The following DNAJC8 variants were observed in gnomAD, a reference collection of about 807,000 sequenced individuals.
The protein encoded by DNAJC8 is DnaJ heat shock protein family (Hsp40) member C8, also known as dnaJ homolog subfamily C member 8.
DNAJC8 carries 24 observed loss-of-function variants against 43.2 expected under a neutral mutation model. The observed-to-expected ratio is 0.56, with a 90% CI of 0.40 to 0.78. The LOEUF (loss-of-function observed/expected upper bound fraction) is 0.78. Ranked by LOEUF, DNAJC8 falls within the 30% of genes least tolerant of loss-of-function variation. DNAJC8 has a pLI of 0.00. For missense variants in DNAJC8, 207 were observed against 299.4 expected (o/e 0.69, Z 2.28); for synonymous variants, 83 against 98.0 (o/e 0.85, Z 0.90).
Position 28,201,126 on chromosome 1 carries a change from CAAAATGGACT to C in DNAJC8, c.*112_*121del, listed in dbSNP as rs1646730835. On this transcript the variant is annotated 3_prime_UTR_variant, in exon 9 of 9. Transcript: ENST00000263697. ...GATCGATATTAAATCGTATTGAAAA[CAAAATGGACT>C]AAAAAGCAAATACTACTCTATGTTG... is the stretch of plus-strand genomic sequence containing the variant. The C allele has an allele frequency of 4.9e-5, 69 of 1,415,916 alleles. No homozygotes were observed. The South Asian group carries it at 8.8e-4, about 18-fold the overall frequency. The allele number at this position is 1,415,916 out of a possible 1,614,324, so 87.7% of individuals were successfully genotyped here. A position where few individuals can be genotyped will look rare whatever the true frequency, so the allele number is the denominator to read the frequency against.
chr1:28,222,485 C>CAAAAAAA (rs35878807), intron 2 of DNAJC8, among the ~76,000 whole-genome samples: 5 of 44,654 alleles, frequency 1.1e-4, no homozygotes, highest in South Asian at 7.9e-4. Flanking sequence ...GACTCCATCT[C>CAAAAAAA]AAAAAAAAAA....
chr1:28,216,281 C>T (rs1029828553), intron 2 of DNAJC8, among the ~76,000 whole-genome samples: 16 of 152,224 alleles, frequency 1.1e-4, no homozygotes, highest in African/African-American at 2.2e-4. Context: ...GAGAAAGGAA[C>T]TGGGAAAGTC....
rs989715419 is a variant in DNAJC8, at chr1:28,201,051, G to A, written c.*197C>T. Reference sequence around the variant, plus strand: ...GTTCTAGGGGCAGGGAGAGGGAAAGGTCTTTTTTTAAACCAAGCCCCTCAT... The same window carrying A: ...GTTCTAGGGGCAGGGAGAGGGAAAGATCTTTTTTTAAACCAAGCCCCTCAT... On this transcript the variant is annotated 3_prime_UTR_variant, in exon 9 of 9. Transcript: ENST00000263697. 9.4e-5 allele frequency: 71 copies of A among 754,764 alleles called. No homozygotes were observed. Among genetic ancestry groups the A allele is most frequent in the South Asian group, 3.7e-4 (20 of 53,364 alleles). 46.8% of individuals were successfully genotyped at this position (754,764 alleles called of 1,614,324 possible).
At chr1:28,224,117 T>C (rs1228197818) in intron 2 of DNAJC8, among the ~76,000 whole-genome samples, 1 of 152,062 alleles carries the variant, frequency 6.6e-6, no homozygotes, top group Non-Finnish European at 1.5e-5. Context: ...AACATAAAAT[T>C]ACAACGTACT....
chr1:28,228,305 C>T (rs953011685), intron 2 of DNAJC8, among the ~76,000 whole-genome samples: 1 of 145,888 alleles, frequency 6.9e-6, no homozygotes, highest in African/African-American at 2.6e-5. Flanking sequence ...GTCAAGATCG[C>T]GCCACTGCAC....
chr1:28,206,083 T>A (rs1464729428), intron 6 of DNAJC8, among the ~76,000 whole-genome samples: 1 of 152,044 alleles, frequency 6.6e-6, no homozygotes. Flanking sequence ...TCCCAGCTAC[T>A]CAGAAGGCTG....
chr1:28,228,487 G>C (rs1646953257), intron 2 of DNAJC8, among the ~76,000 whole-genome samples: 1 of 151,762 alleles, frequency 6.6e-6, no homozygotes, highest in South Asian at 2.1e-4. Context: ...TTAACATGCT[G>C]TCTCTCCAGT....
chr1:28,224,601 C>T (rs1264823798), intron 2 of DNAJC8, among the ~76,000 whole-genome samples: 2 of 151,826 alleles, frequency 1.3e-5, no homozygotes, highest in African/African-American at 2.4e-5. Flanking sequence ...AAAACAAACA[C>T]GCCAGGTGTG....
At chr1:28,203,646 A>G in intron 8 of DNAJC8, 101 bp downstream of exon 8, 1 of 1,159,520 alleles carries the variant, frequency 8.6e-7, no homozygotes. Flanking sequence ...TTCCCCACAT[A>G]TCCCACTCCC....
At chr1:28,201,823 A>G (rs1365367057) in intron 8 of DNAJC8, among the ~76,000 whole-genome samples, 1 of 151,360 alleles carries the variant, frequency 6.6e-6, no homozygotes, top group Non-Finnish European at 1.5e-5. Flanking sequence ...AAAAGAAAAA[A>G]GAGTAGAATA....
intron 5 of DNAJC8, 139 bp from the exon 6 acceptor site, chr1:28,208,552 T>C (rs1572061165): frequency 4.9e-6 from 2 of 412,366 alleles, no homozygotes; most frequent in Non-Finnish European, 4.2e-6. Flanking sequence ...AAAGAGCCCC[T>C]CCCCTCCCTC....
intron 2 of DNAJC8, among the ~76,000 whole-genome samples, chr1:28,225,582 A>G (rs1029907984): frequency 6.6e-6 from 1 of 151,150 alleles, no homozygotes; most frequent in Admixed American, 6.6e-5. Flanking sequence ...TGTTTAGTGG[A>G]TACAGAGTTT....
chr1:28,224,293 AGTCTCACTCT>A (rs1646918655), intron 2 of DNAJC8, among the ~76,000 whole-genome samples: 1 of 152,096 alleles, frequency 6.6e-6, no homozygotes. Flanking sequence ...TTTGAGATGG[AGTCTCACTCT>A]GTCGCCCAGG....
chr1:28,230,028 G>C (rs919250891), intron 1 of DNAJC8: 10 of 151,976 alleles, frequency 6.6e-5, no homozygotes, highest in African/African-American at 2.4e-4. Context: ...TGGGTGGATT[G>C]CTTGAGCTCA....
In DNAJC8 at chr1:28,232,985, C is replaced by G. The variant is rs1370615414; in HGVS notation, c.14G>C (p.Gly5Ala). The G allele has an allele frequency of 1.2e-6, 2 of 1,612,426 alleles. No homozygotes were observed. Among genetic ancestry groups the G allele is most frequent in the Non-Finnish European group, 1.7e-6 (2 of 1,180,026 alleles). MAAS[G>A]ESGTSGGGGS... ...TCCGCCGCCTGAAGTCCCGCTCTCT[C>G]CTGAAGCCGCCATTTCCCCGGCCCA... Residue 5 changes from glycine to alanine, a missense_variant, in exon 1 of 9, where the codon GGA becomes GCA. Transcript: ENST00000263697.
At chr1:28,228,297 CA>C (rs1174900242) in intron 2 of DNAJC8, among the ~76,000 whole-genome samples, 1 of 127,386 alleles carries the variant, frequency 7.9e-6, no homozygotes, top group Admixed American at 9.7e-5. Context: ...TGCAGTGGGT[CA>C]AGATCGCGCC....
chr1:28,223,713 C>CA (rs750905346), intron 2 of DNAJC8, among the ~76,000 whole-genome samples: 48,910 of 106,412 alleles, frequency 0.46, 9,134 homozygotes, highest in African/African-American at 0.5. Flanking sequence ...CTTGTCTTTA[C>CA]AAAAAAAAAA....
At chr1:28,219,896 C>T (rs1287775418) in intron 2 of DNAJC8, among the ~76,000 whole-genome samples, 1 of 152,160 alleles carries the variant, frequency 6.6e-6, no homozygotes, top group East Asian at 1.9e-4. Flanking sequence ...AGGCTGGTCT[C>T]AAACTCCTGA....
intron 3 of DNAJC8, among the ~76,000 whole-genome samples, chr1:28,212,947 A>T (rs1308285642): frequency 6.6e-6 from 1 of 152,244 alleles, no homozygotes; most frequent in Non-Finnish European, 1.5e-5. Context: ...AAGTAAAGAA[A>T]TTAGCAGACT....
Sources: allele counts gnomAD v4.1 joint callset (sites outside exome capture counted in the v4.1 genomes callset), GRCh38; gene constraint gnomAD v4.1.1; transcripts MANE v1.5; gene names NCBI Gene and HGNC (gene_info 2026-07-23, HGNC 2026-07-21).